CDH8: variants seen among roughly 807,000 people sequenced by gnomAD.
The protein encoded by CDH8 is cadherin 8.
In CDH8, 17 loss-of-function variants were observed where a neutral mutation model predicts 68.1. That is an observed-to-expected ratio of 0.25 (90% CI 0.17 to 0.37). The LOEUF (loss-of-function observed/expected upper bound fraction) is 0.37. CDH8 is among the 10% of genes least tolerant of loss of function. The pLI, the probability that CDH8 is intolerant of heterozygous loss-of-function variation, is 1.00. For synonymous variants in CDH8, 372 were observed against 365.1 expected, an observed-to-expected ratio of 1.02 and a Z score of -0.21; for missense variants, 763 against 999.3, an observed-to-expected ratio of 0.76 and a Z score of 3.19.
In CDH8 at chr16:61,869,728, A is replaced by G. The variant is rs567741313; in HGVS notation, c.548-12490T>C. 2.6e-5 allele frequency among the ~76,000 whole-genome samples: 4 copies of G among 152,330 alleles called. No individual in the cohort carries two copies. The South Asian group carries it at 8.3e-4, about 32-fold the overall frequency. ...GAAATAGCAACTTCACTAGGTGCTT[A>G]TGAAAGGTAAAAGCAAAAATTAGCA... On this transcript the variant is annotated intron_variant, in intron 3 of 11. Transcript: ENST00000577390.
intron 10 of CDH8, among the ~76,000 whole-genome samples, chr16:61,690,690 G>A (rs1356265061): frequency 6.6e-6 from 1 of 151,824 alleles, no homozygotes; most frequent in Non-Finnish European, 1.5e-5. Context: ...CAGGTAACAC[G>A]TTTATTAGCA....
chr16:61,917,256 C>A (rs997163494), intron 2 of CDH8, among the ~76,000 whole-genome samples: 6 of 151,994 alleles, frequency 3.9e-5, no homozygotes, highest in Admixed American at 2.6e-4. Flanking sequence ...CTTCAGGGTG[C>A]AGGACAATTT....
At chr16:61,783,562 G>A (rs4531720) in intron 8 of CDH8, among the ~76,000 whole-genome samples, 56,636 of 148,888 alleles carry the variant, frequency 0.38, 11,411 homozygotes, top group African/African-American at 0.51. Flanking sequence ...GCAGGCCAAC[G>A]TTCAGATTCA....
intron 6 of CDH8, among the ~76,000 whole-genome samples, chr16:61,819,214 G>A (rs1962155539): frequency 6.6e-6 from 1 of 152,056 alleles, no homozygotes; most frequent in Non-Finnish European, 1.5e-5. Context: ...GGACAAAAAA[G>A]AGGGCCTATA....
chr16:61,883,911 G>A (rs1182916117), intron 3 of CDH8, among the ~76,000 whole-genome samples: 1 of 150,800 alleles, frequency 6.6e-6, no homozygotes, highest in Non-Finnish European at 1.5e-5. Flanking sequence ...AATGAGAGTT[G>A]AAAAAACATG....
chr16:61,815,372 A>T (rs1362885633), intron 7 of CDH8, among the ~76,000 whole-genome samples: 6 of 152,176 alleles, frequency 3.9e-5, no homozygotes, highest in Non-Finnish European at 8.8e-5. Context: ...AGTATCAGTA[A>T]ATCTCCATTT....
chr16:61,714,048 G>A (rs529932282), intron 9 of CDH8, 90 bp from the exon 10 acceptor site: 2 of 813,058 alleles, frequency 2.5e-6, no homozygotes, highest in African/African-American at 1.7e-5. Flanking sequence ...TTTGTGGTCT[G>A]ATACTTTGGC....
chr16:61,907,552 C>T (rs545936882), intron 2 of CDH8, among the ~76,000 whole-genome samples: 70 of 151,732 alleles, frequency 4.6e-4, no homozygotes, highest in Middle Eastern at 6.8e-3. Context: ...TGGTGGTGCA[C>T]GCCTGCAGTC....
intron 10 of CDH8, among the ~76,000 whole-genome samples, chr16:61,670,774 C>A (rs1024600522): frequency 1.3e-5 from 2 of 150,998 alleles, no homozygotes; most frequent in South Asian, 4.2e-4. Context: ...GTTTTTTTTT[C>A]TTTTATCTGA....
chr16:61,755,057 T>C (rs1960276796), intron 8 of CDH8, among the ~76,000 whole-genome samples: 1 of 152,094 alleles, frequency 6.6e-6, no homozygotes, highest in Non-Finnish European at 1.5e-5. Flanking sequence ...TTGCTTAATG[T>C]AAAATATAAT....
chr16:61,790,839 T>C (rs974019874), intron 7 of CDH8, among the ~76,000 whole-genome samples: 5 of 151,956 alleles, frequency 3.3e-5, no homozygotes, highest in South Asian at 2.1e-4. Context: ...TAAATAACTA[T>C]ACAGCAAGTT....
At position 61,653,573 on chromosome 16, in the gene CDH8, A is replaced by G. The variant is rs765912752; in HGVS notation, c.*35T>C. The G allele has an allele frequency of 2.6e-5, 41 of 1,564,838 alleles. No homozygotes were observed. The East Asian group carries it at 7.8e-4, about 30-fold the overall frequency. On this transcript the variant is annotated 3_prime_UTR_variant, in exon 12 of 12. Transcript: ENST00000577390. Reference sequence around the variant, plus strand: ...GGGAGTGACCCTAGAATATTACAGAATGCTCAGTTCCAGTGATTTATTTAT... The same window carrying G: ...GGGAGTGACCCTAGAATATTACAGAGTGCTCAGTTCCAGTGATTTATTTAT...
intron 9 of CDH8, among the ~76,000 whole-genome samples, chr16:61,720,705 T>A (rs1222011350): frequency 6.6e-6 from 1 of 150,824 alleles, no homozygotes; most frequent in Non-Finnish European, 1.5e-5. Context: ...TATGGATCTT[T>A]CTTTCACCCT....
At chr16:61,800,584 T>C (rs1439337115) in intron 7 of CDH8, among the ~76,000 whole-genome samples, 1 of 152,214 alleles carries the variant, frequency 6.6e-6, no homozygotes, top group Non-Finnish European at 1.5e-5. Context: ...TCATTTACTA[T>C]GAAGGTGTGA....
chr16:61,804,689 A>G (rs1010086367), intron 7 of CDH8, among the ~76,000 whole-genome samples: 2 of 150,472 alleles, frequency 1.3e-5, no homozygotes, highest in African/African-American at 4.9e-5. Flanking sequence ...TACCACAAAC[A>G]CCTCTGCGCA....
intron 10 of CDH8, among the ~76,000 whole-genome samples, chr16:61,712,247 G>T (rs768389102): frequency 6.6e-6 from 1 of 151,376 alleles, no homozygotes; most frequent in Non-Finnish European, 1.5e-5. Context: ...AAATATTAAG[G>T]CATAATAAAT....
intron 8 of CDH8, among the ~76,000 whole-genome samples, chr16:61,767,735 G>C (rs900594533): frequency 6.6e-6 from 1 of 151,910 alleles, no homozygotes; most frequent in African/African-American, 2.4e-5. Context: ...AGTGAATGTT[G>C]CTTCAGCACA....
At chr16:61,897,828 T>C (rs1014568483) in intron 3 of CDH8, among the ~76,000 whole-genome samples, 1 of 152,124 alleles carries the variant, frequency 6.6e-6, no homozygotes, top group African/African-American at 2.4e-5. Flanking sequence ...AATATATATA[T>C]AGTGTTTCTC....
chr16:61,780,625 T>C (rs1961025834), intron 8 of CDH8, among the ~76,000 whole-genome samples: 1 of 152,258 alleles, frequency 6.6e-6, no homozygotes, highest in Non-Finnish European at 1.5e-5. Flanking sequence ...TCTGCTATTC[T>C]GAATGGTTTT....
Sources: gnomAD v4.1 joint callset for allele counts (sites outside exome capture counted in the v4.1 genomes callset) on GRCh38, gnomAD v4.1.1 for gene constraint, MANE v1.5 for transcripts, NCBI Gene and HGNC (gene_info 2026-07-23, HGNC 2026-07-21) for gene names.